SV2C: variants seen among roughly 807,000 people sequenced by gnomAD.
SV2C encodes the protein solute carrier family 22 member B3.
SV2C carries 49 observed loss-of-function variants against 79.7 expected under a neutral mutation model. That is an observed-to-expected ratio of 0.61 (90% CI 0.49 to 0.78). SV2C has a LOEUF of 0.78. Ranked by LOEUF, SV2C falls within the 30% of genes least tolerant of loss-of-function variation. SV2C has a pLI of 0.00. For missense variants in SV2C, 833 were observed against 912.9 expected (o/e 0.91, Z 1.13); for synonymous variants, 334 against 333.2 (o/e 1.00, Z -0.03).
intron 4 of SV2C, among the ~76,000 whole-genome samples, chr5:76,277,587 A>C (rs1485012844): frequency 6.6e-6 from 1 of 152,118 alleles, no homozygotes; most frequent in African/African-American, 2.4e-5. Flanking sequence ...CAGTCTGGAT[A>C]ATATGGTGAA....
the SV2C span, among the ~76,000 whole-genome samples, chr5:75,900,253 GGC>G: frequency 2.0e-5 from 3 of 152,158 alleles, no homozygotes; most frequent in African/African-American, 7.2e-5. Flanking sequence ...TTTTAGGGCA[GGC>G]CTGGTGGTGA....
At chr5:75,999,146 T>C in the SV2C span, among the ~76,000 whole-genome samples, 1 of 151,990 alleles carries the variant, frequency 6.6e-6, no homozygotes, top group Non-Finnish European at 1.5e-5. Flanking sequence ...GAGAACAGCA[T>C]GGGAAAGACT....
At chr5:76,036,049 A>C in the SV2C span, among the ~76,000 whole-genome samples, 12 of 152,136 alleles carry the variant, frequency 7.9e-5, no homozygotes, top group African/African-American at 1.9e-4. Flanking sequence ...CTGTTTTATC[A>C]GAGACTAGGA....
the SV2C span, among the ~76,000 whole-genome samples, chr5:76,077,675 G>A: frequency 2.0e-5 from 3 of 152,156 alleles, no homozygotes; most frequent in Non-Finnish European, 4.4e-5. Flanking sequence ...ACATGTCCAT[G>A]GCTGACTTCA....
At chr5:76,133,261 A>T (rs1158333360) in intron 2 of SV2C, among the ~76,000 whole-genome samples, 1 of 152,242 alleles carries the variant, frequency 6.6e-6, no homozygotes, top group Non-Finnish European at 1.5e-5. Flanking sequence ...GTTTATGTGC[A>T]TGTTAAATCT....
chr5:76,275,012 C>G (rs1746980421), intron 4 of SV2C, among the ~76,000 whole-genome samples: 1 of 152,074 alleles, frequency 6.6e-6, no homozygotes, highest in Non-Finnish European at 1.5e-5. Flanking sequence ...GGCCAGGTGC[C>G]TTGTGAGTAA....
At chr5:76,069,193 G>A in the SV2C span, among the ~76,000 whole-genome samples, 1 of 152,120 alleles carries the variant, frequency 6.6e-6, no homozygotes, top group African/African-American at 2.4e-5. Context: ...CAAGAATCTG[G>A]GGTGCAGATT....
intron 4 of SV2C, among the ~76,000 whole-genome samples, chr5:76,266,040 G>A (rs1403119521): frequency 6.6e-6 from 1 of 152,110 alleles, no homozygotes; most frequent in Non-Finnish European, 1.5e-5. Flanking sequence ...TGAAAGGCAG[G>A]TGGGGTGTGC....
At chr5:76,348,304 T>C (rs2112590182) in intron 12 of SV2C, among the ~76,000 whole-genome samples, 1 of 152,356 alleles carries the variant, frequency 6.6e-6, no homozygotes, top group East Asian at 1.9e-4. Context: ...TTCCACTGTC[T>C]GGATGTACCA....
chr5:76,216,765 ACT>A (rs1744917009), intron 4 of SV2C, among the ~76,000 whole-genome samples: 1 of 151,866 alleles, frequency 6.6e-6, no homozygotes, highest in Non-Finnish European at 1.5e-5. Flanking sequence ...CTCTCTCCAC[ACT>A]CTGTAATAAT....
chr5:75,927,605 G>A, the SV2C span, among the ~76,000 whole-genome samples: 1 of 152,100 alleles, frequency 6.6e-6, no homozygotes, highest in Admixed American at 6.6e-5. Context: ...TAACAATATG[G>A]TATTGCATAC....
chr5:76,042,085 G>A, the SV2C span, among the ~76,000 whole-genome samples: 2 of 152,182 alleles, frequency 1.3e-5, no homozygotes, highest in African/African-American at 2.4e-5. Context: ...TCTGTCCAGG[G>A]TGCTGCTCAC....
intron 12 of SV2C, among the ~76,000 whole-genome samples, chr5:76,321,873 C>T (rs540463848): frequency 1.2e-4 from 19 of 152,008 alleles, no homozygotes; most frequent in Non-Finnish European, 2.2e-4. Context: ...TATATACCTG[C>T]GTATCTTAAA....
intron 4 of SV2C, among the ~76,000 whole-genome samples, chr5:76,269,988 T>C (rs533769318): frequency 6.6e-6 from 1 of 152,188 alleles, no homozygotes; most frequent in African/African-American, 2.4e-5. Flanking sequence ...ATGACCCAAA[T>C]AGCCTTTCCA....
intron 2 of SV2C, among the ~76,000 whole-genome samples, chr5:76,155,237 G>A (rs1204328125): frequency 1.3e-5 from 2 of 152,216 alleles, no homozygotes; most frequent in Admixed American, 1.3e-4. Context: ...CTGGCATAGT[G>A]AATTTGGGAT....
chr5:76,120,830 G>A (rs897518033), intron 1 of SV2C, among the ~76,000 whole-genome samples: 49 of 150,570 alleles, frequency 3.3e-4, no homozygotes, highest in African/African-American at 1.1e-3. Context: ...ATAAACATAT[G>A]TGTGCATGTG....
At chr5:76,280,101 G>C (rs1747137705) in intron 4 of SV2C, among the ~76,000 whole-genome samples, 2 of 152,194 alleles carry the variant, frequency 1.3e-5, no homozygotes, top group African/African-American at 4.8e-5. Flanking sequence ...AGTGCCAGGA[G>C]TGGAGTTGGT....
upstream of SV2C, among the ~76,000 whole-genome samples, chr5:76,080,636 G>A (rs1040018629): frequency 2.6e-5 from 4 of 152,152 alleles, no homozygotes; most frequent in South Asian, 4.1e-4. Context: ...TTGCTGATGC[G>A]AAAACAGACC....
At chr5:76,341,065 G>C (rs1313949806) in intron 12 of SV2C, among the ~76,000 whole-genome samples, 3 of 151,774 alleles carry the variant, frequency 2.0e-5, no homozygotes. Flanking sequence ...CGAGTAGCTG[G>C]GATTTCAAGT....
Sources: gnomAD v4.1 joint callset for allele counts (sites outside exome capture counted in the v4.1 genomes callset) on GRCh38, gnomAD v4.1.1 for gene constraint, MANE v1.5 for transcripts, NCBI Gene and HGNC (gene_info 2026-07-23, HGNC 2026-07-21) for gene names.